Variants in EGFLAM observed in about 807,000 individuals in gnomAD.
EGFLAM encodes pikachurin.
Under a neutral mutation model 113.1 loss-of-function variants are expected in EGFLAM, and 79 were observed. The ratio of observed to expected loss-of-function variants is 0.70; its 90% CI spans 0.58 to 0.84. The LOEUF (loss-of-function observed/expected upper bound fraction) is 0.84, where lower values mean the gene tolerates loss of function less well. Ranked by LOEUF, EGFLAM falls within the 40% of genes least tolerant of loss-of-function variation. The probability of loss-of-function intolerance (pLI) is 0.00; values close to 1 mark genes in which losing one functional copy is unlikely to be tolerated. For synonymous variants in EGFLAM, 504 were observed against 487.6 expected, an observed-to-expected ratio of 1.03 and a Z score of -0.44; for missense variants, 1,265 against 1,291.6, an observed-to-expected ratio of 0.98 and a Z score of 0.32.
intron 6 of EGFLAM, among the ~76,000 whole-genome samples, chr5:38,386,873 A>C (rs1163964240): frequency 1.3e-5 from 2 of 152,160 alleles, no homozygotes; most frequent in Non-Finnish European, 2.9e-5. Flanking sequence ...AGGGGTCATA[A>C]TCCAGTCCAG....
At chr5:38,324,058 A>G (rs1738810898) in intron 1 of EGFLAM, among the ~76,000 whole-genome samples, 1 of 152,038 alleles carries the variant, frequency 6.6e-6, no homozygotes, top group South Asian at 2.1e-4. Flanking sequence ...AAAAAAAAAA[A>G]AAAAAGCTTT....
At chr5:38,289,948 C>G (rs766636899) in intron 1 of EGFLAM, among the ~76,000 whole-genome samples, 18 of 152,220 alleles carry the variant, frequency 1.2e-4, no homozygotes, top group Non-Finnish European at 2.2e-4. Flanking sequence ...TTGTGAAGCA[C>G]TTACTCTGTC....
chr5:38,332,092 T>A (rs141383297), intron 1 of EGFLAM, among the ~76,000 whole-genome samples: 65 of 152,306 alleles, frequency 4.3e-4, no homozygotes, highest in African/African-American at 1.5e-3. Flanking sequence ...AATTTTGTGT[T>A]GTCAGTGCTC....
At chr5:38,393,774 T>C (rs1467007706) in intron 6 of EGFLAM, among the ~76,000 whole-genome samples, 4 of 152,196 alleles carry the variant, frequency 2.6e-5, no homozygotes, top group Non-Finnish European at 5.9e-5. Context: ...TCCAAGCATG[T>C]TACCACCAAT....
At chr5:38,452,505 A>G (rs905975217) in intron 19 of EGFLAM, among the ~76,000 whole-genome samples, 1 of 152,108 alleles carries the variant, frequency 6.6e-6, no homozygotes, top group African/African-American at 2.4e-5. Flanking sequence ...CCTACTCATA[A>G]ATTAGGAAGG....
At chr5:38,315,922 A>G (rs1579762939) in intron 1 of EGFLAM, among the ~76,000 whole-genome samples, 1 of 152,028 alleles carries the variant, frequency 6.6e-6, no homozygotes, top group Non-Finnish European at 1.5e-5. Flanking sequence ...CTAAAAATAC[A>G]AAAAATTAGC....
chr5:38,273,287 G>A (rs1333356818), intron 1 of EGFLAM, among the ~76,000 whole-genome samples: 1 of 152,184 alleles, frequency 6.6e-6, no homozygotes, highest in East Asian at 1.9e-4. Flanking sequence ...TACACAGCCC[G>A]ATGACAGGCT....
chr5:38,430,835 G>C (rs1246860911), intron 14 of EGFLAM, among the ~76,000 whole-genome samples: 1 of 152,190 alleles, frequency 6.6e-6, no homozygotes, highest in Non-Finnish European at 1.5e-5. Context: ...AAAGGCCCAA[G>C]TACCAGGAAG....
chr5:38,441,452 T>C (rs986726869), intron 17 of EGFLAM, among the ~76,000 whole-genome samples: 1 of 152,160 alleles, frequency 6.6e-6, no homozygotes, highest in Admixed American at 6.5e-5. Flanking sequence ...TCCTTTTTTC[T>C]TTACTTGCAT....
At chr5:38,359,266 A>G (rs555190446) in intron 5 of EGFLAM, among the ~76,000 whole-genome samples, 1 of 152,314 alleles carries the variant, frequency 6.6e-6, no homozygotes, top group South Asian at 2.1e-4. Flanking sequence ...TTTTCATTTA[A>G]CTTACCTAGA....
chr5:38,258,912 G>T, intron 1 of EGFLAM, 61 bp downstream of exon 1: 1 of 1,527,560 alleles, frequency 6.5e-7, no homozygotes, highest in Non-Finnish European at 8.9e-7. Flanking sequence ...GCTCCGGGGC[G>T]AGGACACAGA....
In EGFLAM at chr5:38,451,311, C is replaced by T; in HGVS notation, c.2544-4C>T. The T allele has an allele frequency of 6.2e-7, 1 of 1,611,382 alleles. No individual in the cohort carries two copies. Among genetic ancestry groups the T allele is most frequent in the Non-Finnish European group, 8.5e-7 (1 of 1,178,484 alleles). ...TGGTGGACTTATTTGTGTATTTCCT[C>T]CAGGGTGTCAGGATCAAGATCAAAT... On this transcript the variant is annotated splice_region_variant and splice_polypyrimidine_tract_variant and intron_variant, in intron 18 of 21. Coordinates refer to ENST00000322350, the MANE Select transcript of EGFLAM (RefSeq NM_152403.4).
intron 11 of EGFLAM, among the ~76,000 whole-genome samples, chr5:38,415,339 G>T (rs1163909565): frequency 6.8e-6 from 1 of 147,300 alleles, no homozygotes; most frequent in Non-Finnish European, 1.5e-5. Context: ...CTCCATCCTG[G>T]GCTGCAGAGC....
At chr5:38,315,751 G>T (rs1215844038) in intron 1 of EGFLAM, among the ~76,000 whole-genome samples, 1 of 152,118 alleles carries the variant, frequency 6.6e-6, no homozygotes, top group Non-Finnish European at 1.5e-5. Context: ...TGGGCTTCTT[G>T]TGAAGTTTAA....
intron 14 of EGFLAM, 45 bp downstream of exon 14, chr5:38,427,297 A>G (rs1348882431): frequency 1.3e-6 from 2 of 1,594,852 alleles, no homozygotes; most frequent in East Asian, 2.2e-5. Context: ...AAAAAGGCAA[A>G]TAGTAACTGC....
In EGFLAM at chr5:38,435,806, CTTTTTTTTT is replaced by C. The variant is rs60461690; in HGVS notation, c.2283+574_2283+582del. Among the ~76,000 whole-genome samples, 94 of 88,920 alleles carry C rather than the reference CTTTTTTTTT, an allele frequency of 1.1e-3. 1 individual carries two copies. The highest frequency in any genetic ancestry group is 4.3e-3 in the African/African-American group (90 of 21,070). The allele number at this position is 88,920 out of a possible 152,430, so 58.3% of individuals were successfully genotyped here. Reference sequence around the variant, plus strand: ...AAGATACTGACTCCCCCGGCTCTCTCTTTTTTTTTTTTTTTTTTTTTTTTTTTTTGAGAT... The same window carrying C: ...AAGATACTGACTCCCCCGGCTCTCTCTTTTTTTTTTTTTTTTTTTTGAGAT... On this transcript the variant is annotated intron_variant, in intron 16 of 21. Transcript: ENST00000322350.
chr5:38,434,392 G>T (rs1742281740), intron 15 of EGFLAM, among the ~76,000 whole-genome samples: 1 of 152,218 alleles, frequency 6.6e-6, no homozygotes, highest in South Asian at 2.1e-4. Flanking sequence ...CCCCTGCAGG[G>T]CAGGACTGGG....
intron 1 of EGFLAM, among the ~76,000 whole-genome samples, chr5:38,327,086 C>G (rs1010024504): frequency 1.3e-5 from 2 of 152,186 alleles, no homozygotes; most frequent in African/African-American, 4.8e-5. Context: ...GTGTGAGCCA[C>G]CGCACCTGGC....
intron 3 of EGFLAM, among the ~76,000 whole-genome samples, chr5:38,345,126 G>A (rs189711512): frequency 1.3e-5 from 2 of 152,280 alleles, no homozygotes; most frequent in Admixed American, 6.5e-5. Context: ...AATTAGAACC[G>A]TATAAAGTCA....
Sources: allele counts gnomAD v4.1 joint callset (sites outside exome capture counted in the v4.1 genomes callset), GRCh38; gene constraint gnomAD v4.1.1; transcripts MANE v1.5; gene names NCBI Gene and HGNC (gene_info 2026-07-23, HGNC 2026-07-21).